ACTN4: variants seen among roughly 807,000 people sequenced by gnomAD.
The protein encoded by ACTN4 is alpha-actinin-4.
Under a neutral mutation model 114.2 loss-of-function variants are expected in ACTN4, and 18 were observed. The ratio of observed to expected loss-of-function variants is 0.16; its 90% CI spans 0.11 to 0.23. The LOEUF (loss-of-function observed/expected upper bound fraction) is 0.23, where lower values mean the gene tolerates loss of function less well. Among genes scored for constraint, ACTN4 ranks in the 10% least tolerant of loss-of-function variants. The pLI is 1.00. For missense variants in ACTN4, 722 were observed against 1,262.9 expected, an observed-to-expected ratio of 0.57 and a Z score of 6.49; for synonymous variants, 515 against 506.3, an observed-to-expected ratio of 1.02 and a Z score of -0.23.
chr19:38,689,327 A>G (rs1967846866), intron 1 of ACTN4, among the ~76,000 whole-genome samples: 1 of 152,204 alleles, frequency 6.6e-6, no homozygotes, highest in African/African-American at 2.4e-5. Context: ...AAGATCATAT[A>G]CCATATGGTT....
intron 6 of ACTN4, among the ~76,000 whole-genome samples, chr19:38,708,507 TCC>T (rs1968535919): frequency 6.6e-6 from 1 of 152,164 alleles, no homozygotes; most frequent in Non-Finnish European, 1.5e-5. Flanking sequence ...TTCTAGAACC[TCC>T]TCTGCCCAAA....
chr19:38,648,114 G>A (rs2144807175), intron 1 of ACTN4: 2 of 540,664 alleles, frequency 3.7e-6, no homozygotes, highest in Non-Finnish European at 6.0e-6. Context: ...AAGAGAATTG[G>A]CGGCTGGGTG....
chr19:38,681,562 C>T (rs1267680567), intron 1 of ACTN4, among the ~76,000 whole-genome samples: 3 of 152,234 alleles, frequency 2.0e-5, no homozygotes, highest in East Asian at 3.8e-4. Context: ...TGCAGAACAA[C>T]CTTCTCTCCA....
chr19:38,669,684 G>A (rs1029488908), intron 1 of ACTN4, among the ~76,000 whole-genome samples: 5 of 152,172 alleles, frequency 3.3e-5, no homozygotes, highest in Admixed American at 6.5e-5. Flanking sequence ...GTAACTGCCA[G>A]GAAGCGGAGC....
chr19:38,727,802 C>G lies in ACTN4; in HGVS notation c.2338-144C>G. ...GCCCCCGACCCCACGTGTCCCTGGC[C>G]ATCTCCTTGTCCATGTTGCCTCTAA... On this transcript the variant is annotated intron_variant, in intron 18 of 20. Coordinates refer to ENST00000252699, the MANE Select transcript of ACTN4 (RefSeq NM_004924.6). This position sits in a 1 kb window ranked among gnomAD's most constrained non-coding sequence, Gnocchi z 5.4. 1.3e-6 allele frequency: 1 copy of G among 754,372 alleles called. No homozygotes were observed. Among genetic ancestry groups the G allele is most frequent in the Admixed American group, 2.2e-5 (1 of 46,228 alleles). The allele number at this position is 754,372 out of a possible 1,614,324, so 46.7% of individuals were successfully genotyped here. A position where few individuals can be genotyped will look rare whatever the true frequency, so the allele number is the denominator to read the frequency against.
At chr19:38,702,558 G>T (rs1968315564) in intron 3 of ACTN4, among the ~76,000 whole-genome samples, 1 of 152,204 alleles carries the variant, frequency 6.6e-6, no homozygotes, top group Non-Finnish European at 1.5e-5. Context: ...CTGAGCCGGG[G>T]AGCTGCGGCC....
chr19:38,690,233 T>C (rs1183234905), intron 1 of ACTN4, among the ~76,000 whole-genome samples: 3 of 152,232 alleles, frequency 2.0e-5, no homozygotes, highest in Admixed American at 1.3e-4. Context: ...CTGGTCCACG[T>C]TTGTTTTGGC....
chr19:38,650,831 G>C (rs1320594400), intron 1 of ACTN4, among the ~76,000 whole-genome samples: 2 of 152,110 alleles, frequency 1.3e-5, no homozygotes, highest in African/African-American at 4.8e-5. Flanking sequence ...CGTCTCCCGG[G>C]TTCAAGCGAT....
At position 38,727,305 on chromosome 19, in the gene ACTN4, G is replaced by A. The variant is rs1477650590; in HGVS notation, c.2337+202G>A. ...CAGCCTGGGCCACTTCACACGCACA[G>A]GCAGGGGGCCGGAGGTCCCAAGTCC... is the stretch of plus-strand genomic sequence containing the variant. On this transcript the variant is annotated intron_variant, in intron 18 of 20. Coordinates refer to ENST00000252699, the MANE Select transcript of ACTN4 (RefSeq NM_004924.6). This position sits in a 1 kb window ranked among gnomAD's most constrained non-coding sequence, Gnocchi z 5.4. Among the ~76,000 whole-genome samples the A allele has an allele frequency of 3.3e-5, 5 of 152,160 alleles. No homozygotes were observed. Among genetic ancestry groups the A allele is most frequent in the Non-Finnish European group, 2.9e-5 (2 of 68,006 alleles).
Position 38,724,536 on chromosome 19 carries a change from G to A in ACTN4, c.1981G>A (p.Val661Met), listed in dbSNP as rs531405161. ...RRQFASQANV[V>M]GPWIQTKMEE... ...CCAGTTCGCCAGCCAGGCCAATGTT[G>A]TGGGGCCCTGGATCCAGACCAAGAT... Residue 661 changes from valine (V) to methionine (M), a missense_variant, in exon 16 of 21, where the codon GTG becomes ATG. Around this residue, in one of 3 missense-constraint regions of ACTN4, gnomAD observed 523 missense variants for 875.9 expected, o/e 0.60. Transcript: ENST00000252699. This position sits in a 1 kb window ranked among gnomAD's most constrained non-coding sequence, Gnocchi z 7.0. The A allele has an allele frequency of 1.9e-6, 3 of 1,613,706 alleles. No homozygotes were observed. The highest frequency in any genetic ancestry group is 1.3e-5 in the African/African-American group (1 of 75,050).
chr19:38,677,737 T>G (rs1259109089), intron 1 of ACTN4, among the ~76,000 whole-genome samples: 1 of 152,226 alleles, frequency 6.6e-6, no homozygotes, highest in Admixed American at 6.5e-5. Flanking sequence ...GCGATGCTTT[T>G]CTTTTTTTTC....
At chr19:38,720,908 T>C (rs896225857) in intron 11 of ACTN4, among the ~76,000 whole-genome samples, 35 of 152,238 alleles carry the variant, frequency 2.3e-4, no homozygotes, top group Non-Finnish European at 4.6e-4. Flanking sequence ...AGACCTTCAC[T>C]TGCTTGCAGG....
intron 12 of ACTN4, among the ~76,000 whole-genome samples, chr19:38,723,289 C>T (rs1458940227): frequency 1.3e-5 from 2 of 152,204 alleles, no homozygotes; most frequent in African/African-American, 4.8e-5. Context: ...CCTCCTCAGG[C>T]CCCAAGGCCT....
intron 1 of ACTN4, among the ~76,000 whole-genome samples, chr19:38,692,601 A>G (rs1392648432): frequency 1.3e-5 from 2 of 152,126 alleles, no homozygotes; most frequent in Non-Finnish European, 2.9e-5. Context: ...GCGCCTTTAT[A>G]GTTGGTGATG....
chr19:38,728,020 C>T lies in ACTN4; in HGVS notation c.2412C>T (p.Asp804=). 1 of 1,612,202 alleles carries T rather than the reference C, an allele frequency of 6.2e-7. No homozygotes were observed. The highest frequency in any genetic ancestry group is 8.5e-7 in the Non-Finnish European group (1 of 1,179,508). ...GCCTGGGCTACGACGTGGAGAACGA[C>T]CGGCAGGTACTGCACCCTGGGCCCC... ...LISLGYDVEN[D]RQGEAEFNRI... is the part of the protein sequence containing the mutation. The change falls in exon 19 of 21, where the codon GAC becomes GAT. Residue 804 remains aspartate (D), a synonymous_variant. Coordinates refer to ENST00000252699, the MANE Select transcript of ACTN4 (RefSeq NM_004924.6).
chr19:38,721,495 C>T (rs745978210), intron 11 of ACTN4, 43 bp from the exon 12 acceptor site: 3 of 1,612,110 alleles, frequency 1.9e-6, no homozygotes, highest in South Asian at 1.1e-5. Flanking sequence ...TCCTGCCCCA[C>T]AGCTGCCGTG....
At chr19:38,682,003 G>A (rs1289517731) in intron 1 of ACTN4, among the ~76,000 whole-genome samples, 1 of 152,018 alleles carries the variant, frequency 6.6e-6, no homozygotes, top group Non-Finnish European at 1.5e-5. Context: ...GCTAATTTTT[G>A]TATTTTTAGT....
At chr19:38,660,341 T>C (rs1005389659) in intron 1 of ACTN4, among the ~76,000 whole-genome samples, 4 of 152,182 alleles carry the variant, frequency 2.6e-5, no homozygotes, top group African/African-American at 9.6e-5. Flanking sequence ...AGCTAGCATT[T>C]TACCTTGTGC....
chr19:38,709,517 A>G (rs200831759), intron 7 of ACTN4, 41 bp downstream of exon 7: 2 of 1,573,296 alleles, frequency 1.3e-6, no homozygotes, highest in Non-Finnish European at 1.7e-6. Context: ...GTGCTTCCTG[A>G]TGGCCTTTTC....
Sources: allele counts gnomAD v4.1 joint callset (sites outside exome capture counted in the v4.1 genomes callset), GRCh38; gene constraint gnomAD v4.1.1; regional missense constraint gnomAD v4.1.1; non-coding constraint Gnocchi (gnomAD v3.1); transcripts MANE v1.5; gene names NCBI Gene and HGNC (gene_info 2026-07-23, HGNC 2026-07-21).